SLC35E3: variants seen among roughly 807,000 people sequenced by gnomAD.
SLC35E3 encodes solute carrier family 35 member E3.
In SLC35E3, 28 loss-of-function variants were observed where a neutral mutation model predicts 30.8. That is an observed-to-expected ratio of 0.91 (90% CI 0.67 to 1.25). The LOEUF (loss-of-function observed/expected upper bound fraction) is 1.25, where lower values mean the gene tolerates loss of function less well. Among genes scored for constraint, SLC35E3 ranks in the 50% most tolerant of loss-of-function variants. SLC35E3 has a pLI of 0.00. For missense variants in SLC35E3, 365 were observed against 375.4 expected, an observed-to-expected ratio of 0.97 and a Z score of 0.23; for synonymous variants, 146 against 149.2, an observed-to-expected ratio of 0.98 and a Z score of 0.16.
chr12:68,746,855 C>T (rs143257747), intron 1 of SLC35E3, 76 bp downstream of exon 1: 82 of 1,409,722 alleles, frequency 5.8e-5, no homozygotes, highest in Non-Finnish European at 7.4e-5. Context: ...TTCGAACGCA[C>T]ACTGGTCTTT....
chr12:68,764,925 G>A lies in SLC35E3; in HGVS notation c.*35G>A, dbSNP rs1300350217. 1.3e-5 allele frequency: 20 copies of A among 1,585,356 alleles called. No individual in the cohort carries two copies. Among genetic ancestry groups the A allele is most frequent in the Non-Finnish European group, 1.7e-5 (20 of 1,163,748 alleles). ...TGTGGAGAAAAGAATGTTGTCCCAA[G>A]AAGATAAAAAATATTGTTAAGTGTG... On this transcript the variant is annotated 3_prime_UTR_variant, in exon 5 of 5. Coordinates refer to ENST00000398004, the MANE Select transcript of SLC35E3 (RefSeq NM_018656.5).
intron 4 of SLC35E3, among the ~76,000 whole-genome samples, chr12:68,762,125 C>T (rs1040188928): frequency 2.0e-5 from 3 of 152,042 alleles, no homozygotes; most frequent in Non-Finnish European, 4.4e-5. Context: ...CGTGCCCAGC[C>T]AGGTGCTCAG....
Position 68,764,779 on chromosome 12 carries a change from C to T in SLC35E3, c.831C>T (p.Ser277=), listed in dbSNP as rs1879329120. Residue 277 remains serine (S), a synonymous_variant, in exon 5 of 5, where the codon TCC becomes TCT. Coordinates refer to ENST00000398004, the MANE Select transcript of SLC35E3 (RefSeq NM_018656.5). ...ATGTTTTATTTAAGGATCCACTGTC[C>T]ATTAATCAGGCCCTTGGCATTTTAT... is the stretch of plus-strand genomic sequence containing the variant. ...GGYVLFKDPL[S]INQALGILCT... is the part of the protein sequence containing the mutation. The T allele has an allele frequency of 6.2e-7, 1 of 1,613,990 alleles. No individual in the cohort carries two copies. The highest frequency in any genetic ancestry group is 1.1e-5 in the South Asian group (1 of 91,080).
At position 68,771,942 on chromosome 12, in the gene SLC35E3, GATTAAA is replaced by G. The variant is rs1278461504; in HGVS notation, c.*7057_*7062del. ...AAAATCCCCTGATTCTGCTTTTTCA[GATTAAA>G]ATTATAATTTCTCATTTGCTTATAA... On this transcript the variant is annotated 3_prime_UTR_variant, in exon 5 of 5. Coordinates refer to ENST00000398004, the MANE Select transcript of SLC35E3 (RefSeq NM_018656.5). 13 of 152,164 alleles carry G rather than the reference GATTAAA, an allele frequency of 8.5e-5. No homozygotes were observed. The highest frequency in any genetic ancestry group is 3.1e-4 in the African/African-American group (13 of 41,452). The allele number at this position is 152,164 out of a possible 1,614,324, so 9.4% of individuals were successfully genotyped here. A position where few individuals can be genotyped will look rare whatever the true frequency, so the allele number is the denominator to read the frequency against.
chr12:68,756,144 T>G (rs1348769842), intron 3 of SLC35E3, among the ~76,000 whole-genome samples: 5 of 152,112 alleles, frequency 3.3e-5, no homozygotes, highest in African/African-American at 1.2e-4. Flanking sequence ...CATTGGACCA[T>G]CTATCAGATA....
At chr12:68,764,617 T>C (rs888240028) in intron 4 of SLC35E3, 87 bp from the exon 5 acceptor site, 4 of 1,260,204 alleles carry the variant, frequency 3.2e-6, no homozygotes, top group Admixed American at 4.2e-5. Context: ...ATGGGCTGCT[T>C]TTGGGTTGTT....
Position 68,746,518 on chromosome 12 carries a change from C to T in SLC35E3, c.141C>T (p.Thr47=), listed in dbSNP as rs1878570036. ...VYHGFPNMSL[T]LVHFVVTWLG... is the part of the protein sequence containing the mutation. Reference sequence around the variant, plus strand: ...ACGGCTTCCCCAACATGAGCCTGACCCTGGTGCACTTCGTGGTCACCTGGC... The same window carrying T: ...ACGGCTTCCCCAACATGAGCCTGACTCTGGTGCACTTCGTGGTCACCTGGC... The change falls in exon 1 of 5, where the codon ACC becomes ACT. Residue 47 remains threonine (T), a synonymous_variant. Coordinates refer to ENST00000398004, the MANE Select transcript of SLC35E3 (RefSeq NM_018656.5). 6.2e-7 allele frequency: 1 copy of T among 1,614,106 alleles called. No individual in the cohort carries two copies. Among genetic ancestry groups the T allele is most frequent in the Admixed American group, 1.7e-5 (1 of 60,008 alleles).
intron 4 of SLC35E3, among the ~76,000 whole-genome samples, chr12:68,763,360 A>G (rs1038815430): frequency 6.6e-6 from 1 of 151,990 alleles, no homozygotes; most frequent in African/African-American, 2.4e-5. Flanking sequence ...TTTAAATATA[A>G]GTAATTGTGT....
At chr12:68,756,442 T>G (rs1479547601) in intron 3 of SLC35E3, among the ~76,000 whole-genome samples, 1 of 184 alleles carries the variant, frequency 5.4e-3, no homozygotes, top group African/African-American at 0.019. Context: ...CAACTCAACT[T>G]TTTTTTTTTT....
At position 68,750,577 on chromosome 12, in the gene SLC35E3, C is replaced by T. The variant is rs1019826345; in HGVS notation, c.514-1455C>T. 8.5e-5 allele frequency among the ~76,000 whole-genome samples: 13 copies of T among 152,198 alleles called. No homozygotes were observed. The East Asian group carries it at 2.1e-3, about 25-fold the overall frequency. On this transcript the variant is annotated intron_variant, in intron 2 of 4. Transcript: ENST00000398004. ...TAGGAGAGCATTAGAGGGGTGGTGGCAGGAGCCAGGCTGTGCTGCATTGAG... is the reference window on the plus strand; with the variant it reads ...TAGGAGAGCATTAGAGGGGTGGTGGTAGGAGCCAGGCTGTGCTGCATTGAG...
intron 3 of SLC35E3, among the ~76,000 whole-genome samples, chr12:68,753,452 CAA>C (rs571712875): frequency 7.2e-6 from 1 of 139,510 alleles, no homozygotes; most frequent in Admixed American, 7.2e-5. Context: ...GACCCTGTCT[CAA>C]AAAAAAAAAC....
chr12:68,764,038 C>G (rs1330891178), intron 4 of SLC35E3, among the ~76,000 whole-genome samples: 1 of 152,202 alleles, frequency 6.6e-6, no homozygotes, highest in Non-Finnish European at 1.5e-5. Context: ...CCCTCTCCCC[C>G]TCCCTCTTTT....
chr12:68,757,270 G>T (rs1003704476), intron 3 of SLC35E3, among the ~76,000 whole-genome samples: 2 of 152,168 alleles, frequency 1.3e-5, no homozygotes, highest in African/African-American at 4.8e-5. Flanking sequence ...CGTGGAACTA[G>T]CTTCTTTATA....
chr12:68,753,157 C>G (rs910273481), intron 3 of SLC35E3, among the ~76,000 whole-genome samples: 3 of 151,804 alleles, frequency 2.0e-5, no homozygotes, highest in African/African-American at 7.3e-5. Flanking sequence ...GGCATGCTTC[C>G]TGTAATCCCA....
At chr12:68,753,023 A>G (rs769845036) in intron 3 of SLC35E3, among the ~76,000 whole-genome samples, 12 of 151,770 alleles carry the variant, frequency 7.9e-5, no homozygotes, top group South Asian at 4.2e-4. Context: ...GCACACACCT[A>G]TAATCCCAGC....
Position 68,765,608 on chromosome 12 carries a change from ATG to A in SLC35E3, c.*730_*731del, listed in dbSNP as rs369887330. The A allele has an allele frequency of 1.6e-5, 2 of 122,300 alleles. No homozygotes were observed. Among genetic ancestry groups the A allele is most frequent in the Admixed American group, 9.0e-5 (1 of 11,050 alleles). The allele number at this position is 122,300 out of a possible 1,614,324, so 7.6% of individuals were successfully genotyped here. On this transcript the variant is annotated 3_prime_UTR_variant, in exon 5 of 5. Coordinates refer to ENST00000398004, the MANE Select transcript of SLC35E3 (RefSeq NM_018656.5). ...TCTCTCTCTCTCTCTCCATATATAT[ATG>A]TGTGTGTGTGTATATATATATATAT...
chr12:68,756,783 C>T (rs1328677621), intron 3 of SLC35E3, among the ~76,000 whole-genome samples: 7 of 152,140 alleles, frequency 4.6e-5, no homozygotes, highest in South Asian at 2.1e-4. Context: ...GGGCGGATCA[C>T]GAAGTCAGGA....
chr12:68,746,277 G>T lies in SLC35E3; in HGVS notation c.-101G>T, dbSNP rs1276283720. The T allele has an allele frequency of 2.1e-5, 25 of 1,169,874 alleles. No homozygotes were observed. The highest frequency in any genetic ancestry group is 2.9e-5 in the Non-Finnish European group (24 of 841,364). The allele number at this position is 1,169,874 out of a possible 1,614,324, so 72.5% of individuals were successfully genotyped here. ...GCATGCCACTCCTGGGTCAGACGGT[G>T]AGGTCGGCGTCTGCGAGGACGCGGC... On this transcript the variant is annotated 5_prime_UTR_variant, in exon 1 of 5. Transcript: ENST00000398004.
intron 1 of SLC35E3, 110 bp from the exon 2 acceptor site, chr12:68,747,820 G>A (rs1277940779): frequency 5.1e-6 from 3 of 593,090 alleles, no homozygotes; most frequent in Non-Finnish European, 9.1e-6. Flanking sequence ...CAGGTTCATT[G>A]TTTCCCAGTT....
Sources: allele counts gnomAD v4.1 joint callset (sites outside exome capture counted in the v4.1 genomes callset), GRCh38; gene constraint gnomAD v4.1.1; transcripts MANE v1.5; gene names NCBI Gene and HGNC (gene_info 2026-07-23, HGNC 2026-07-21).